The following KLF8 variants were observed in gnomAD, a reference collection of about 807,000 sequenced individuals.
KLF8 encodes KLF transcription factor 8, also known as Krueppel-like factor 8.
Under a neutral mutation model 18.2 loss-of-function variants are expected in KLF8, and 10 were observed. The observed-to-expected ratio is 0.55, with a 90% CI of 0.34 to 0.93. The LOEUF is 0.93. KLF8 is among the 40% of genes least tolerant of loss of function. The pLI is 0.02. For synonymous variants in KLF8, 109 were observed against 97.3 expected (o/e 1.12, Z -0.71); for missense variants, 264 against 277.9 (o/e 0.95, Z 0.36).
chrX:55,997,894 C>T, the KLF8 span, among the ~76,000 whole-genome samples: 3 of 110,038 alleles, frequency 2.7e-5, no homozygotes, highest in South Asian at 7.8e-4. Flanking sequence ...GGGGAACCAG[C>T]GTTCAGCATA....
chrX:56,152,861 C>A, the KLF8 span, among the ~76,000 whole-genome samples: 1 of 112,002 alleles, frequency 8.9e-6, no homozygotes, highest in East Asian at 2.8e-4. Context: ...GCCTTATACT[C>A]CTCTTCATCA....
the KLF8 span, among the ~76,000 whole-genome samples, chrX:56,002,553 A>G: frequency 9.0e-6 from 1 of 111,278 alleles, no homozygotes; most frequent in African/African-American, 3.3e-5. Context: ...TTTCTAGCAC[A>G]TGATTGACAC....
At chrX:56,069,501 G>T in the KLF8 span, among the ~76,000 whole-genome samples, 1 of 111,594 alleles carries the variant, frequency 9.0e-6, no homozygotes, top group Middle Eastern at 4.6e-3. Context: ...GCCTCCTTTT[G>T]TCCCAGGAGG....
At chrX:56,266,637 A>G in intron 3 of KLF8, 1 of 751,751 alleles carries the variant, frequency 1.3e-6, no homozygotes, top group South Asian at 6.8e-5. Context: ...CTATCCCCCA[A>G]CCACTAGTTT....
At chrX:56,185,138 C>T in the KLF8 span, among the ~76,000 whole-genome samples, 8 of 111,872 alleles carry the variant, frequency 7.2e-5, no homozygotes, top group African/African-American at 1.9e-4. Flanking sequence ...AAAATTTAGA[C>T]GAATGTATAA....
the KLF8 span, among the ~76,000 whole-genome samples, chrX:55,932,541 G>C: frequency 1.8e-5 from 2 of 111,618 alleles, no homozygotes; most frequent in Non-Finnish European, 3.8e-5. Flanking sequence ...GCTTCCTTCA[G>C]AGCTCTTGTA....
chrX:56,103,056 T>A, the KLF8 span, among the ~76,000 whole-genome samples: 2 of 110,090 alleles, frequency 1.8e-5, no homozygotes, highest in Non-Finnish European at 3.8e-5. Flanking sequence ...CTCTGTTCTG[T>A]TCCATTGGTC....
chrX:56,135,281 G>A, the KLF8 span, among the ~76,000 whole-genome samples: 3 of 111,586 alleles, frequency 2.7e-5, no homozygotes, highest in Non-Finnish European at 3.8e-5. Flanking sequence ...ATTAACAATA[G>A]CAAAGACTTG....
the KLF8 span, among the ~76,000 whole-genome samples, chrX:56,210,360 C>T: frequency 1.8e-5 from 2 of 111,566 alleles, no homozygotes; most frequent in African/African-American, 6.5e-5. Context: ...TATTTCATGC[C>T]ACTCTCTCCT....
the KLF8 span, among the ~76,000 whole-genome samples, chrX:56,085,247 G>T: frequency 9.0e-6 from 1 of 111,227 alleles, no homozygotes; most frequent in African/African-American, 3.3e-5. Context: ...AAAACCAAGA[G>T]GGGAGATACA....
At chrX:56,064,862 T>A in the KLF8 span, among the ~76,000 whole-genome samples, 2 of 111,704 alleles carry the variant, frequency 1.8e-5, no homozygotes, top group Non-Finnish European at 1.9e-5. Flanking sequence ...GTTCCTTTAC[T>A]GGGTATAGCG....
At chrX:55,937,927 G>A in the KLF8 span, among the ~76,000 whole-genome samples, 1 of 112,085 alleles carries the variant, frequency 8.9e-6, no homozygotes, top group Non-Finnish European at 1.9e-5. Flanking sequence ...TGGGGAGAAT[G>A]GAACCAAGTC....
chrX:55,945,575 G>A, the KLF8 span, among the ~76,000 whole-genome samples: 1 of 111,044 alleles, frequency 9.0e-6, no homozygotes, highest in Non-Finnish European at 1.9e-5. Flanking sequence ...TTGAAAACTG[G>A]CACAAGACAG....
intron 3 of KLF8, 30 bp downstream of exon 3, chrX:56,265,774 C>T: frequency 1.9e-5 from 22 of 1,171,908 alleles, no homozygotes; most frequent in Non-Finnish European, 2.2e-5. Flanking sequence ...CTTTCCTGGC[C>T]TTCCTGAATC....
At chrX:56,028,642 C>T in the KLF8 span, among the ~76,000 whole-genome samples, 3 of 111,568 alleles carry the variant, frequency 2.7e-5, no homozygotes, top group East Asian at 2.8e-4. Context: ...CTGGATGTCT[C>T]GAGCCAACGC....
At chrX:55,963,888 A>AT in the KLF8 span, among the ~76,000 whole-genome samples, 7 of 111,890 alleles carry the variant, frequency 6.3e-5, no homozygotes, top group African/African-American at 2.3e-4. Flanking sequence ...ATTCTCAACA[A>AT]TTTTTTTTAA....
the KLF8 span, among the ~76,000 whole-genome samples, chrX:56,161,988 A>T: frequency 8.9e-6 from 1 of 112,114 alleles, no homozygotes; most frequent in Non-Finnish European, 1.9e-5. Context: ...TCCTTCTAAC[A>T]GTCAGGACCC....
intron 1 of KLF8, among the ~76,000 whole-genome samples, chrX:56,248,714 C>G (rs897084435): frequency 1.8e-5 from 2 of 111,474 alleles, no homozygotes; most frequent in African/African-American, 3.3e-5. Flanking sequence ...TGAGAGTTAC[C>G]TGACCTCACA....
the KLF8 span, among the ~76,000 whole-genome samples, chrX:56,033,166 G>A: frequency 1.4e-3 from 152 of 110,926 alleles, no homozygotes; most frequent in Non-Finnish European, 2.1e-3. Flanking sequence ...TACCTTCTTA[G>A]CAACATCTCC....
Sources: allele counts gnomAD v4.1 joint callset (sites outside exome capture counted in the v4.1 genomes callset), GRCh38; gene constraint gnomAD v4.1.1; transcripts MANE v1.5; gene names NCBI Gene and HGNC (gene_info 2026-07-23, HGNC 2026-07-21).